Variants in NUSAP1 observed in about 807,000 individuals in gnomAD.
NUSAP1 encodes nucleolar and spindle-associated protein 1.
A neutral mutation model predicts 52.8 loss-of-function variants in NUSAP1; 32 were observed. That is an observed-to-expected ratio of 0.61 (90% confidence interval 0.46 to 0.81). The LOEUF (loss-of-function observed/expected upper bound fraction) is 0.81. NUSAP1 is among the 40% of genes least tolerant of loss of function. The pLI, the probability that NUSAP1 is intolerant of heterozygous loss-of-function variation, is 0.00. For synonymous variants in NUSAP1, 195 were observed against 183.1 expected (o/e 1.06, Z -0.52); for missense variants, 499 against 522.3 (o/e 0.96, Z 0.43).
intron 1 of NUSAP1, among the ~76,000 whole-genome samples, chr15:41,336,655 T>TG (rs748827154): frequency 5.0e-5 from 7 of 141,186 alleles, no homozygotes; most frequent in Non-Finnish European, 9.2e-5. Flanking sequence ...TTGGTTTTTT[T>TG]TTTTTTTTTT....
chr15:41,353,194 A>G (rs1208443800), intron 4 of NUSAP1, among the ~76,000 whole-genome samples: 1 of 152,144 alleles, frequency 6.6e-6, no homozygotes, highest in African/African-American at 2.4e-5. Context: ...TCTGTTGCCC[A>G]GGCGGGAGTA....
chr15:41,354,001 A>G (rs996854009), intron 4 of NUSAP1, among the ~76,000 whole-genome samples: 2 of 152,222 alleles, frequency 1.3e-5, no homozygotes, highest in African/African-American at 4.8e-5. Context: ...TAAAGAAACG[A>G]CAGAATTTGG....
intron 2 of NUSAP1, among the ~76,000 whole-genome samples, chr15:41,346,139 C>T (rs561156159): frequency 5.3e-5 from 8 of 151,484 alleles, no homozygotes; most frequent in African/African-American, 1.9e-4. Context: ...GGAGGTTTTA[C>T]CATGTTGGCC....
chr15:41,339,790 A>AT (rs370874624), intron 1 of NUSAP1, among the ~76,000 whole-genome samples: 4 of 148,800 alleles, frequency 2.7e-5, no homozygotes, highest in South Asian at 2.1e-4. Context: ...CTATTTTTTT[A>AT]TTTTTTTTGA....
chr15:41,379,661 C>T (rs912631687), intron 10 of NUSAP1, among the ~76,000 whole-genome samples: 1 of 152,148 alleles, frequency 6.6e-6, no homozygotes, highest in African/African-American at 2.4e-5. Context: ...TCTCCTGCCT[C>T]AGCCTCCCCA....
chr15:41,354,227 C>A (rs2048877965), intron 4 of NUSAP1, among the ~76,000 whole-genome samples: 1 of 152,142 alleles, frequency 6.6e-6, no homozygotes, highest in African/African-American at 2.4e-5. Flanking sequence ...AGCAAACAGG[C>A]CAGGCGCAGT....
chr15:41,364,293 A>G (rs989013169), intron 6 of NUSAP1, among the ~76,000 whole-genome samples: 1 of 152,080 alleles, frequency 6.6e-6, no homozygotes. Flanking sequence ...CACACCTGTA[A>G]TCCCAGCAGT....
intron 1 of NUSAP1, among the ~76,000 whole-genome samples, chr15:41,333,582 T>C (rs548095513): frequency 4.3e-4 from 65 of 152,256 alleles, no homozygotes; most frequent in Non-Finnish European, 4.4e-4. Flanking sequence ...GGGTTGATGG[T>C]CTCTATCAAA....
At chr15:41,350,546 C>T (rs1326503520) in intron 3 of NUSAP1, among the ~76,000 whole-genome samples, 1 of 151,950 alleles carries the variant, frequency 6.6e-6, no homozygotes. Context: ...ATTTGGACAG[C>T]GTTATCTTCT....
chr15:41,350,223 A>G (rs1383299343), intron 3 of NUSAP1, among the ~76,000 whole-genome samples: 4 of 152,182 alleles, frequency 2.6e-5, no homozygotes, highest in African/African-American at 9.6e-5. Flanking sequence ...ACAAAGACTG[A>G]GCGGGTTTTT....
chr15:41,376,520 T>C lies in NUSAP1; in HGVS notation c.1124-676T>C, dbSNP rs2049942849. On this transcript the variant is annotated intron_variant, in intron 9 of 10. Transcript: ENST00000559596. ...GGCTAACACATTGAAACCCCGTCTC[T>C]ACCAAAAATACAAAAACAAAATTAG... Among the ~76,000 whole-genome samples the C allele has an allele frequency of 2.0e-5, 3 of 151,226 alleles. No individual in the cohort carries two copies. In the Admixed American group the frequency reaches 2.0e-4, roughly 10 times the overall value.
At position 41,377,319 on chromosome 15, in the gene NUSAP1, A is replaced by T; in HGVS notation, c.1232+15A>T. The T allele has an allele frequency of 7.9e-7, 1 of 1,264,788 alleles. No individual in the cohort carries two copies. The highest frequency in any genetic ancestry group is 1.1e-6 in the Non-Finnish European group (1 of 904,112). 78.3% of individuals were successfully genotyped at this position (1,264,788 alleles called of 1,614,324 possible). A position where few individuals can be genotyped will look rare whatever the true frequency, so the allele number is the denominator to read the frequency against. On this transcript the variant is annotated intron_variant, in intron 10 of 10. Coordinates refer to ENST00000559596, the MANE Select transcript of NUSAP1 (RefSeq NM_016359.5). ...CTCCAGACAAAGTAAGTACATAATT[A>T]TCCAGCTTTATAATTATTTTAATTT...
chr15:41,359,413 G>A (rs74012276), intron 6 of NUSAP1, among the ~76,000 whole-genome samples: 2,373 of 152,120 alleles, frequency 0.016, 74 homozygotes, highest in African/African-American at 0.055. Flanking sequence ...ATTTAAAAGC[G>A]GCAGAAAATT....
intron 1 of NUSAP1, 25 bp downstream of exon 1, chr15:41,333,075 C>G (rs2047976186): frequency 6.3e-7 from 1 of 1,581,676 alleles, no homozygotes; most frequent in African/African-American, 1.3e-5. Flanking sequence ...GTGCGGGTCC[C>G]TGGGCGGGCG....
intron 1 of NUSAP1, among the ~76,000 whole-genome samples, chr15:41,335,414 ATATG>A (rs1392581122): frequency 2.8e-5 from 4 of 141,312 alleles, no homozygotes; most frequent in Admixed American, 7.2e-5. Context: ...TTAATATACT[ATATG>A]TACTAGATAA....
intron 5 of NUSAP1, 148 bp from the exon 6 acceptor site, chr15:41,358,001 G>A: frequency 2.0e-6 from 1 of 502,056 alleles, no homozygotes; most frequent in Non-Finnish European, 3.6e-6. Flanking sequence ...CAAAAACTAA[G>A]TATTTTGAAA....
intron 8 of NUSAP1, among the ~76,000 whole-genome samples, chr15:41,375,233 A>G (rs1171248664): frequency 6.8e-6 from 1 of 146,942 alleles, no homozygotes; most frequent in African/African-American, 2.5e-5. Context: ...GCTGGAGTGC[A>G]ATGGCGCAAT....
chr15:41,341,355 C>T (rs945076542), intron 1 of NUSAP1, among the ~76,000 whole-genome samples: 4 of 152,238 alleles, frequency 2.6e-5, no homozygotes, highest in African/African-American at 7.2e-5. Context: ...TGAGCCACCC[C>T]GCTCAACCAA....
chr15:41,370,708 C>T (rs917269632), intron 7 of NUSAP1, among the ~76,000 whole-genome samples: 1 of 148,702 alleles, frequency 6.7e-6, no homozygotes, highest in African/African-American at 2.5e-5. Context: ...CAACATCGCA[C>T]CATTGCACTC....
Sources: gnomAD v4.1 joint callset for allele counts (sites outside exome capture counted in the v4.1 genomes callset) on GRCh38, gnomAD v4.1.1 for gene constraint, MANE v1.5 for transcripts, NCBI Gene and HGNC (gene_info 2026-07-23, HGNC 2026-07-21) for gene names.